Variants in XKR4 observed in about 807,000 individuals in gnomAD.
XKR4 encodes the protein XK-related protein 4.
A neutral mutation model predicts 53.9 loss-of-function variants in XKR4; 12 were observed. That is an observed-to-expected ratio of 0.22 (90% CI 0.14 to 0.36). The LOEUF is 0.36. Among genes scored for constraint, XKR4 ranks in the 10% least tolerant of loss-of-function variants. The pLI, the probability that XKR4 is intolerant of heterozygous loss-of-function variation, is 1.00. For missense variants in XKR4, 799 were observed against 859.5 expected (o/e 0.93, Z 0.88); for synonymous variants, 354 against 362.4 (o/e 0.98, Z 0.26).
intron 1 of XKR4, among the ~76,000 whole-genome samples, chr8:55,309,697 C>G (rs760126418): frequency 2.0e-5 from 3 of 152,166 alleles, no homozygotes; most frequent in Non-Finnish European, 2.9e-5. Flanking sequence ...GCAAAGTGTA[C>G]AAGAGATCTC....
intron 1 of XKR4, chr8:55,164,158 C>A (rs757909474): frequency 4.4e-6 from 2 of 456,248 alleles, no homozygotes; most frequent in Non-Finnish European, 8.8e-6. Context: ...TTGCTCCAAG[C>A]GCCACTGGCC....
chr8:55,446,666 AG>A (rs746161528), intron 2 of XKR4, among the ~76,000 whole-genome samples: 8 of 152,126 alleles, frequency 5.3e-5, no homozygotes, highest in Non-Finnish European at 7.3e-5. Context: ...CAATTTCAAG[AG>A]GGGATCAGTA....
At chr8:55,400,810 G>C (rs1772207103) in intron 2 of XKR4, among the ~76,000 whole-genome samples, 1 of 152,064 alleles carries the variant, frequency 6.6e-6, no homozygotes, top group Admixed American at 6.5e-5. Flanking sequence ...CCTCTTCCAC[G>C]TTGTATTCAT....
At chr8:55,343,304 T>C (rs1025453387) in intron 1 of XKR4, among the ~76,000 whole-genome samples, 4 of 152,224 alleles carry the variant, frequency 2.6e-5, no homozygotes, top group African/African-American at 9.6e-5. Flanking sequence ...GTTCTTATGA[T>C]GGTGAAAGCT....
intron 1 of XKR4, among the ~76,000 whole-genome samples, chr8:55,263,219 A>G (rs987349830): frequency 9.9e-5 from 15 of 152,204 alleles, no homozygotes; most frequent in African/African-American, 2.4e-5. Flanking sequence ...TCTATGGCAC[A>G]TGGAGTGTCA....
chr8:55,482,012 G>C (rs1487657327), intron 2 of XKR4, among the ~76,000 whole-genome samples: 1 of 152,188 alleles, frequency 6.6e-6, no homozygotes, highest in Non-Finnish European at 1.5e-5. Flanking sequence ...ACTAGAAGTA[G>C]AAATACCATT....
intron 1 of XKR4, among the ~76,000 whole-genome samples, chr8:55,341,548 C>A (rs1023213066): frequency 6.6e-6 from 1 of 152,194 alleles, no homozygotes; most frequent in Admixed American, 6.5e-5. Context: ...AAGGATATTT[C>A]TGACTACTCT....
chr8:55,302,790 C>G (rs1819223288), intron 1 of XKR4, among the ~76,000 whole-genome samples: 1 of 152,100 alleles, frequency 6.6e-6, no homozygotes. Context: ...TGATTTGGCT[C>G]TCTGTTTGTC....
intron 2 of XKR4, among the ~76,000 whole-genome samples, chr8:55,522,695 G>C (rs997479163): frequency 6.6e-5 from 10 of 152,190 alleles, no homozygotes; most frequent in African/African-American, 2.4e-4. Context: ...CATGAGGGTA[G>C]TAAGTGGCAA....
chr8:55,316,166 G>A (rs1046542569), intron 1 of XKR4, among the ~76,000 whole-genome samples: 4 of 152,130 alleles, frequency 2.6e-5, no homozygotes, highest in Admixed American at 2.6e-4. Flanking sequence ...GACAGCTCAC[G>A]CTAATAATTT....
chr8:55,115,403 C>CAT (rs1160406197), intron 1 of XKR4, among the ~76,000 whole-genome samples: 1 of 151,442 alleles, frequency 6.6e-6, no homozygotes, highest in South Asian at 2.1e-4. Flanking sequence ...CACACACACA[C>CAT]AAATGAATCT....
intron 1 of XKR4, among the ~76,000 whole-genome samples, chr8:55,235,700 G>A (rs1345878564): frequency 1.3e-5 from 2 of 152,064 alleles, no homozygotes; most frequent in Non-Finnish European, 2.9e-5. Flanking sequence ...GTTCAGACCT[G>A]AAGGCAAAGC....
intron 1 of XKR4, among the ~76,000 whole-genome samples, chr8:55,253,916 T>A (rs1818396857): frequency 6.6e-6 from 1 of 151,906 alleles, no homozygotes; most frequent in Admixed American, 6.6e-5. Flanking sequence ...AGGCAGAGTT[T>A]CACCACATTG....
At chr8:55,231,538 C>G (rs1818041277) in intron 1 of XKR4, among the ~76,000 whole-genome samples, 1 of 152,118 alleles carries the variant, frequency 6.6e-6, no homozygotes, top group Non-Finnish European at 1.5e-5. Flanking sequence ...GTTTTTATCC[C>G]CAGCCTGCCC....
intron 1 of XKR4, among the ~76,000 whole-genome samples, chr8:55,177,659 G>C (rs193194958): frequency 6.6e-6 from 1 of 152,160 alleles, no homozygotes; most frequent in South Asian, 2.1e-4. Context: ...GTCATTCCTC[G>C]TAGGCAGCCT....
intron 2 of XKR4, among the ~76,000 whole-genome samples, chr8:55,385,750 T>C (rs1018473258): frequency 6.6e-6 from 1 of 152,286 alleles, no homozygotes; most frequent in East Asian, 1.9e-4. Flanking sequence ...TTTTAGAAAG[T>C]ACATAGCACA....
chr8:55,518,512 T>C (rs1018244118), intron 2 of XKR4, among the ~76,000 whole-genome samples: 1 of 152,198 alleles, frequency 6.6e-6, no homozygotes, highest in African/African-American at 2.4e-5. Context: ...AATACACTAA[T>C]TAAACAAGCA....
At chr8:55,289,591 G>GAGAAAGAAAGAAAGAA (rs747365935) in intron 1 of XKR4, among the ~76,000 whole-genome samples, 13 of 67,390 alleles carry the variant, frequency 1.9e-4, no homozygotes, top group South Asian at 6.7e-4. Context: ...AAGAAAGAAA[G>GAGAAAGAAAGAAAGAA]AGAAAGAAAG....
At chr8:55,446,498 G>A (rs1805349736) in intron 2 of XKR4, among the ~76,000 whole-genome samples, 1 of 152,052 alleles carries the variant, frequency 6.6e-6, no homozygotes, top group Non-Finnish European at 1.5e-5. Context: ...CACGCCACCA[G>A]TCCTGGCCAA....
Sources: allele counts gnomAD v4.1 joint callset (sites outside exome capture counted in the v4.1 genomes callset), GRCh38; gene constraint gnomAD v4.1.1; transcripts MANE v1.5; gene names NCBI Gene and HGNC (gene_info 2026-07-23, HGNC 2026-07-21).